Variants in LRMDA observed in about 807,000 individuals in gnomAD.
The protein encoded by LRMDA is leucine rich melanocyte differentiation associated, also known as leucine-rich melanocyte differentiation-associated protein.
LRMDA carries 18 observed loss-of-function variants against 29.8 expected under a neutral mutation model. The observed-to-expected ratio is 0.60, with a 90% CI of 0.42 to 0.90. The LOEUF is 0.90. Among genes scored for constraint, LRMDA ranks in the 40% least tolerant of loss-of-function variants. The pLI, the probability that LRMDA is intolerant of heterozygous loss-of-function variation, is 0.00. For synonymous variants in LRMDA, 125 were observed against 109.4 expected, an observed-to-expected ratio of 1.14 and a Z score of -0.89; for missense variants, 273 against 273.9, an observed-to-expected ratio of 1.00 and a Z score of 0.02.
In LRMDA at chr10:75,567,111, T is replaced by TTCTC. The variant is rs72521833; in HGVS notation, c.131+128631_131+128634dup. ...GATCATTGTAATTCTAGCTGCTGTC[T>TTCTC]TCTCTCTCTCTCTCTCTTGTCCTCT... On this transcript the variant is annotated intron_variant, in intron 2 of 6. Transcript: ENST00000611255. 2.8e-3 allele frequency among the ~76,000 whole-genome samples: 428 copies of TTCTC among 150,840 alleles called. 6 individuals are homozygous for TTCTC. Among genetic ancestry groups the TTCTC allele is most frequent in the African/African-American group, 0.01 (415 of 41,346 alleles).
At chr10:75,575,467 G>A (rs2132072927) in intron 2 of LRMDA, among the ~76,000 whole-genome samples, 1 of 152,260 alleles carries the variant, frequency 6.6e-6, no homozygotes, top group Admixed American at 6.5e-5. Context: ...TAGGGGTATA[G>A]GCATTGGGTA....
At chr10:75,808,762 C>T (rs1245896190) in intron 2 of LRMDA, among the ~76,000 whole-genome samples, 1 of 152,206 alleles carries the variant, frequency 6.6e-6, no homozygotes, top group East Asian at 1.9e-4. Context: ...CCCACCTCGG[C>T]CTCCCAAAGT....
At chr10:76,178,160 A>G (rs10824380) in intron 5 of LRMDA, among the ~76,000 whole-genome samples, 56,585 of 152,022 alleles carry the variant, frequency 0.37, 12,456 homozygotes, top group East Asian at 0.77. Flanking sequence ...CCCTTGCGAT[A>G]CCCTGTGTTT....
chr10:76,103,364 T>G (rs767491790), intron 5 of LRMDA, among the ~76,000 whole-genome samples: 4 of 152,202 alleles, frequency 2.6e-5, no homozygotes, highest in Non-Finnish European at 5.9e-5. Flanking sequence ...GTGCTTCCAG[T>G]TGCCAGTGGG....
At chr10:76,294,669 C>T (rs1840390791) in intron 5 of LRMDA, among the ~76,000 whole-genome samples, 1 of 152,168 alleles carries the variant, frequency 6.6e-6, no homozygotes, top group South Asian at 2.1e-4. Context: ...AAAACACTGC[C>T]TGACACCTAT....
chr10:76,003,523 G>A (rs1340050618), intron 2 of LRMDA, among the ~76,000 whole-genome samples: 6 of 152,114 alleles, frequency 3.9e-5, no homozygotes, highest in South Asian at 2.1e-4. Context: ...TCATAAAGAC[G>A]TTACACGTTG....
chr10:75,478,819 A>G (rs1159672470), intron 2 of LRMDA, among the ~76,000 whole-genome samples: 2 of 152,194 alleles, frequency 1.3e-5, no homozygotes, highest in Non-Finnish European at 2.9e-5. Flanking sequence ...TGTAACAGTG[A>G]TGGTGAGTTA....
At chr10:75,624,107 T>C (rs995336505) in intron 2 of LRMDA, among the ~76,000 whole-genome samples, 5 of 152,202 alleles carry the variant, frequency 3.3e-5, no homozygotes, top group Admixed American at 6.6e-5. Flanking sequence ...ACAAATATAA[T>C]GAATTTAGCC....
At position 76,202,670 on chromosome 10, in the gene LRMDA, T is replaced by C. The variant is rs114559782; in HGVS notation, c.517-121731T>C. Among the ~76,000 whole-genome samples, 1,263 of 152,224 alleles carry C rather than the reference T, an allele frequency of 8.3e-3. 21 individuals carry two copies. The highest frequency in any genetic ancestry group is 0.029 in the African/African-American group (1,197 of 41,544). On this transcript the variant is annotated intron_variant, in intron 5 of 6. Transcript: ENST00000611255. The stretch of plus-strand genomic sequence containing the variant: ...AGAATGAAGGAAAGCTAAACCTCTC[T>C]TTAATGATTTTCTCTTTTTAAAACA...
chr10:75,954,284 A>G (rs1053754003), intron 2 of LRMDA, among the ~76,000 whole-genome samples: 1 of 152,312 alleles, frequency 6.6e-6, no homozygotes, highest in Non-Finnish European at 1.5e-5. Context: ...GGGGTGGAGC[A>G]GTTGTGTGCA....
At chr10:75,772,869 T>TGGGGGGGGGGGG (rs1554824987) in intron 2 of LRMDA, among the ~76,000 whole-genome samples, 4 of 49,782 alleles carry the variant, frequency 8.0e-5, no homozygotes, top group Non-Finnish European at 1.3e-4. Flanking sequence ...GGGGGTGGGA[T>TGGGGGGGGGGGG]GGGGGGGGGC....
At position 76,557,920 on chromosome 10, in the gene LRMDA, C is replaced by G. The variant is rs1843578311; in HGVS notation, c.*632C>G. 6.6e-6 allele frequency: 1 copy of G among 152,236 alleles called. No individual in the cohort carries two copies. The highest frequency in any genetic ancestry group is 1.5e-5 in the Non-Finnish European group (1 of 68,108). The allele number at this position is 152,236 out of a possible 1,614,324, so 9.4% of individuals were successfully genotyped here. On this transcript the variant is annotated 3_prime_UTR_variant, in exon 7 of 7. Coordinates refer to ENST00000611255, the MANE Select transcript of LRMDA (RefSeq NM_001305581.2). ...TTTTCGGAGAACAAGGTATAACTTC[C>G]CAGCCAGGTCATACATTTATGGCTG...
chr10:75,443,482 T>C (rs1186700225), intron 2 of LRMDA, among the ~76,000 whole-genome samples: 1 of 152,204 alleles, frequency 6.6e-6, no homozygotes, highest in Non-Finnish European at 1.5e-5. Flanking sequence ...GTATATATTA[T>C]ATATCAATAA....
chr10:76,410,298 C>CTTTTTTTTTTTTTT (rs1172213249), intron 6 of LRMDA, among the ~76,000 whole-genome samples: 2 of 66,544 alleles, frequency 3.0e-5, no homozygotes, highest in Admixed American at 2.2e-4. Context: ...CACTTTCTTT[C>CTTTTTTTTTTTTTT]TTTTTTTTTT....
rs190942090 is a variant in LRMDA, at chr10:75,786,446, C to T, written c.132-249562C>T. Among the ~76,000 whole-genome samples the T allele has an allele frequency of 1.0e-3, 159 of 152,224 alleles. 1 individual carries two copies. The highest frequency in any genetic ancestry group is 2.2e-3 in the Non-Finnish European group (153 of 68,008). On this transcript the variant is annotated intron_variant, in intron 2 of 6. Coordinates refer to ENST00000611255, the MANE Select transcript of LRMDA (RefSeq NM_001305581.2). Reference sequence around the variant, plus strand: ...TTTCAAGCTTAATACTCATGACTGTCCAGTATTATCCTTACCCCTCTCTAG... The same window carrying T: ...TTTCAAGCTTAATACTCATGACTGTTCAGTATTATCCTTACCCCTCTCTAG...
At chr10:75,668,667 G>A (rs1019415915) in intron 2 of LRMDA, among the ~76,000 whole-genome samples, 2 of 152,156 alleles carry the variant, frequency 1.3e-5, no homozygotes, top group East Asian at 1.9e-4. Context: ...ATTCTGAAGG[G>A]AGTAGGAACT....
intron 2 of LRMDA, among the ~76,000 whole-genome samples, chr10:75,545,065 C>T (rs189224492): frequency 3.7e-4 from 57 of 152,226 alleles, no homozygotes; most frequent in African/African-American, 1.0e-3. Context: ...GAGGCATTCT[C>T]CCCCACTCTT....
chr10:76,487,594 G>T (rs944756358), intron 6 of LRMDA, among the ~76,000 whole-genome samples: 1 of 151,840 alleles, frequency 6.6e-6, no homozygotes, highest in Non-Finnish European at 1.5e-5. Context: ...TGGCATGTCT[G>T]TATGGGGTTT....
At chr10:76,232,584 C>A (rs988460103) in intron 5 of LRMDA, among the ~76,000 whole-genome samples, 1 of 152,204 alleles carries the variant, frequency 6.6e-6, no homozygotes, top group Non-Finnish European at 1.5e-5. Context: ...GACCTCTGGC[C>A]AGCGATGCCC....
Sources: gnomAD v4.1 joint callset for allele counts (sites outside exome capture counted in the v4.1 genomes callset) on GRCh38, gnomAD v4.1.1 for gene constraint, MANE v1.5 for transcripts, NCBI Gene and HGNC (gene_info 2026-07-23, HGNC 2026-07-21) for gene names.